Variants in ARRDC1 observed in about 807,000 individuals in gnomAD.
ARRDC1 encodes arrestin domain containing 1, also known as arrestin domain-containing protein 1.
In ARRDC1, 37 loss-of-function variants were observed where a neutral mutation model predicts 40.1. The observed-to-expected ratio is 0.92, with a 90% CI of 0.71 to 1.21. The LOEUF (loss-of-function observed/expected upper bound fraction) is 1.21, where lower values mean the gene tolerates loss of function less well. ARRDC1 is among the 50% of genes most tolerant of loss of function. ARRDC1 has a pLI of 0.00. For synonymous variants in ARRDC1, 310 were observed against 262.5 expected (o/e 1.18, Z -1.75); for missense variants, 641 against 581.9 (o/e 1.10, Z -1.04).
At chr9:137,607,363 C>T (rs1842441569) in intron 1 of ARRDC1, among the ~76,000 whole-genome samples, 1 of 152,242 alleles carries the variant, frequency 6.6e-6, no homozygotes, top group Admixed American at 6.5e-5. Context: ...AGCAGCCCTG[C>T]CTGGGCCCCA....
intron 1 of ARRDC1, among the ~76,000 whole-genome samples, chr9:137,606,323 G>T (rs750566697): frequency 7.2e-5 from 11 of 152,238 alleles, no homozygotes; most frequent in Non-Finnish European, 1.2e-4. Flanking sequence ...GGGCCTCGGG[G>T]ACTGGGTATC....
chr9:137,613,839 C>T (rs1842593423), intron 4 of ARRDC1, 70 bp downstream of exon 4: 1 of 1,586,970 alleles, frequency 6.3e-7, no homozygotes, highest in South Asian at 1.1e-5. Flanking sequence ...GCTGGGCAGG[C>T]ACTGCTTCAT....
chr9:137,605,777 CG>C lies in ARRDC1; in HGVS notation c.64del (p.Glu22SerfsTer22). 5.2e-6 allele frequency: 7 copies of C among 1,348,756 alleles called. No individual in the cohort carries two copies. Among genetic ancestry groups the C allele is most frequent in the Non-Finnish European group, 5.7e-6 (6 of 1,048,534 alleles). The allele number at this position is 1,348,756 out of a possible 1,614,324, so 83.5% of individuals were successfully genotyped here. On this transcript the variant is annotated frameshift_variant, in exon 1 of 8. Coordinates refer to ENST00000371421, the MANE Select transcript of ARRDC1 (RefSeq NM_152285.4). LOFTEE classifies it high-confidence loss of function. ...LSHGRVVYSP[G>X]EPLAGTVRVR... ...GCCACGGCCGCGTCGTCTACAGCCCCGGGGAGCCGTTGGCTGGGACCGTGCG... is the reference window on the plus strand; with the variant it reads ...GCCACGGCCGCGTCGTCTACAGCCCCGGGAGCCGTTGGCTGGGACCGTGCG...
chr9:137,612,555 G>C, intron 1 of ARRDC1: 3 of 302,044 alleles, frequency 9.9e-6, no homozygotes, highest in South Asian at 9.2e-5. Flanking sequence ...GTCTCCTGTA[G>C]GCAGCTGAGC....
rs774169698 is a variant in ARRDC1 at position 137,614,221 on chromosome 9, G to T, written c.618+7G>T. On this transcript the variant is annotated splice_region_variant and intron_variant, in intron 5 of 7. Coordinates refer to ENST00000371421, the MANE Select transcript of ARRDC1 (RefSeq NM_152285.4). Reference sequence around the variant, plus strand: ...GGTGGCCAGTCTGCTGCAGGTCAGAGCCCCCGCCAGTTGCCTGGACCGGCC... The same window carrying T: ...GGTGGCCAGTCTGCTGCAGGTCAGATCCCCCGCCAGTTGCCTGGACCGGCC... 1 of 1,584,886 alleles carries T rather than the reference G, an allele frequency of 6.3e-7. No individual in the cohort carries two copies. Among genetic ancestry groups the T allele is most frequent in the Non-Finnish European group, 8.6e-7 (1 of 1,161,674 alleles).
chr9:137,612,884 T>G lies in ARRDC1; in HGVS notation c.119-12T>G. On this transcript the variant is annotated splice_polypyrimidine_tract_variant and intron_variant, in intron 1 of 7. Coordinates refer to ENST00000371421, the MANE Select transcript of ARRDC1 (RefSeq NM_152285.4). ...CGGCTGGCTGGGGCTCATGCAGCCA[T>G]CCCCTTTGCAGCCATCCGGGTGACC... 1 of 1,605,518 alleles carries G rather than the reference T, an allele frequency of 6.2e-7. No individual in the cohort carries two copies. The highest frequency in any genetic ancestry group is 8.5e-7 in the Non-Finnish European group (1 of 1,172,934).
intron 4 of ARRDC1, 33 bp downstream of exon 4, chr9:137,613,802 C>A: frequency 1.2e-6 from 2 of 1,610,418 alleles, no homozygotes; most frequent in South Asian, 2.2e-5. Flanking sequence ...CTTGGTGGGT[C>A]CCCACCCTCA....
chr9:137,613,402 G>A, intron 2 of ARRDC1, 58 bp from the exon 3 acceptor site: 1 of 1,547,750 alleles, frequency 6.5e-7, no homozygotes, highest in Non-Finnish European at 8.8e-7. Flanking sequence ...CTGGCCCTGT[G>A]GCCACCTCAG....
intron 1 of ARRDC1, among the ~76,000 whole-genome samples, chr9:137,608,868 T>C (rs1842466426): frequency 6.6e-6 from 1 of 152,210 alleles, no homozygotes; most frequent in African/African-American, 2.4e-5. Context: ...TGGAGGCTGC[T>C]TACTCTGGCA....
At position 137,608,931 on chromosome 9, in the gene ARRDC1, G is replaced by C. The variant is rs1842467728; in HGVS notation, c.118+3096G>C. Among the ~76,000 whole-genome samples the C allele has an allele frequency of 9.8e-5, 15 of 152,336 alleles. No individual in the cohort carries two copies. In the South Asian group the frequency reaches 3.1e-3, roughly 32 times the overall value. On this transcript the variant is annotated intron_variant, in intron 1 of 7. Transcript: ENST00000371421. ...GTGCAAAACGGGGCCATCTGCATGG[G>C]CGTTGGGAAGATCACAGAACCTGGA...
At chr9:137,608,203 G>T (rs962340061) in intron 1 of ARRDC1, among the ~76,000 whole-genome samples, 1 of 152,102 alleles carries the variant, frequency 6.6e-6, no homozygotes, top group African/African-American at 2.4e-5. Flanking sequence ...GGAGGGTCTG[G>T]ATCTCCTGAC....
At chr9:137,610,889 GTT>G (rs1842503963) in intron 1 of ARRDC1, among the ~76,000 whole-genome samples, 1 of 152,148 alleles carries the variant, frequency 6.6e-6, no homozygotes, top group Non-Finnish European at 1.5e-5. Context: ...TAGAGATGGG[GTT>G]TCACCATGTC....
chr9:137,608,966 T>G (rs1020440969), intron 1 of ARRDC1, among the ~76,000 whole-genome samples: 13 of 152,204 alleles, frequency 8.5e-5, no homozygotes, highest in Middle Eastern at 3.2e-3. Context: ...ACCCTTAGGA[T>G]GACCCAAGGG....
In ARRDC1 at chr9:137,615,016, G is replaced by C; in HGVS notation, c.1237+16G>C. The C allele has an allele frequency of 6.2e-7, 1 of 1,612,664 alleles. No homozygotes were observed. Among genetic ancestry groups the C allele is most frequent in the African/African-American group, 1.3e-5 (1 of 75,034 alleles). On this transcript the variant is annotated intron_variant, in intron 7 of 7. Coordinates refer to ENST00000371421, the MANE Select transcript of ARRDC1 (RefSeq NM_152285.4). ...TACCCCTATGGTGAGTCGACAGCCA[G>C]GGCTTGGCAGGGAGGGGACGCCAAG...
At chr9:137,605,888 G>C in intron 1 of ARRDC1, 53 bp downstream of exon 1, 1 of 1,101,398 alleles carries the variant, frequency 9.1e-7, no homozygotes, top group Non-Finnish European at 1.1e-6. Context: ...CGGGGCCAGG[G>C]CTCCCGGAAG....
chr9:137,611,338 T>C (rs35374891), intron 1 of ARRDC1: 29,685 of 152,264 alleles, frequency 0.19, 3,292 homozygotes, highest in Admixed American at 0.31. Flanking sequence ...TGCTTGAGCT[T>C]AGGAGTTTGA....
At position 137,612,777 on chromosome 9, in the gene ARRDC1, C is replaced by T. The variant is rs569737664; in HGVS notation, c.119-119C>T. Reference sequence around the variant, plus strand: ...GTGGCATGGGCTGCTTGCTCACTGGCCTTCCCAGGACCCTGCCCAGGTGGT... The same window carrying T: ...GTGGCATGGGCTGCTTGCTCACTGGTCTTCCCAGGACCCTGCCCAGGTGGT... On this transcript the variant is annotated intron_variant, in intron 1 of 7. Coordinates refer to ENST00000371421, the MANE Select transcript of ARRDC1 (RefSeq NM_152285.4). The T allele has an allele frequency of 1.3e-5, 9 of 705,056 alleles. No individual in the cohort carries two copies. The African/African-American group carries it at 1.4e-4, about 11-fold the overall frequency. 43.7% of individuals were successfully genotyped at this position (705,056 alleles called of 1,614,324 possible). A position where few individuals can be genotyped will look rare whatever the true frequency, so the allele number is the denominator to read the frequency against.
rs148754593 is a variant in ARRDC1, at chr9:137,613,627, C to T, written c.293C>T (p.Thr98Met). The T allele has an allele frequency of 9.3e-6, 15 of 1,614,118 alleles. No homozygotes were observed. The highest frequency in any genetic ancestry group is 8.0e-5 in the African/African-American group (6 of 74,950). ...GCTCTCTCCCCAGCCACTGCACCCA[C>T]GTCCTTTGAGGGTCCTTTCGGGAAG... Reference protein sequence around the residue: ...FQFLLPATAPTSFEGPFGKIV... With the variant: ...FQFLLPATAPMSFEGPFGKIV... The change falls in exon 4 of 8, where the codon ACG becomes ATG. Residue 98 changes from threonine to methionine, a missense_variant. Physicochemically the swap from Thr to Met is moderately conservative, Grantham distance 81 (BLOSUM62 -1). Coordinates refer to ENST00000371421, the MANE Select transcript of ARRDC1 (RefSeq NM_152285.4).
chr9:137,607,306 C>T (rs1302474931), intron 1 of ARRDC1, among the ~76,000 whole-genome samples: 1 of 152,236 alleles, frequency 6.6e-6, no homozygotes, highest in East Asian at 1.9e-4. Flanking sequence ...GGATGCTTGT[C>T]AATCCTGCTA....
Sources: gnomAD v4.1 joint callset for allele counts (sites outside exome capture counted in the v4.1 genomes callset) on GRCh38, gnomAD v4.1.1 for gene constraint, MANE v1.5 for transcripts, NCBI Gene and HGNC (gene_info 2026-07-23, HGNC 2026-07-21) for gene names.